The following TACR1 variants were observed in gnomAD, a reference collection of about 807,000 sequenced individuals.
TACR1 encodes the protein substance-P receptor.
Under a neutral mutation model 35.8 loss-of-function variants are expected in TACR1, and 25 were observed. That is an observed-to-expected ratio of 0.70 (90% confidence interval 0.51 to 0.98). The LOEUF is 0.98. TACR1 is among the 50% of genes least tolerant of loss of function. The probability of loss-of-function intolerance (pLI) is 0.00; values close to 1 mark genes in which losing one functional copy is unlikely to be tolerated. For synonymous variants in TACR1, 195 were observed against 206.7 expected (o/e 0.94, Z 0.48); for missense variants, 478 against 522.9 (o/e 0.91, Z 0.84).
At position 75,126,450 on chromosome 2, in the gene TACR1, G is replaced by A. The variant is rs147630127; in HGVS notation, c.390-5682C>T. ...TTATATTCCTCTGGGTATATACCCA[G>A]TAATGGGATTGCTGGGTCAAATGGT... On this transcript the variant is annotated intron_variant, in intron 1 of 4. Coordinates refer to ENST00000305249, the MANE Select transcript of TACR1 (RefSeq NM_001058.4). Among the ~76,000 whole-genome samples the A allele has an allele frequency of 4.4e-3, 665 of 152,254 alleles. 9 individuals are homozygous for A. The highest frequency in any genetic ancestry group is 0.016 in the African/African-American group (646 of 41,540).
chr2:75,140,573 C>A (rs1674381590), intron 1 of TACR1, among the ~76,000 whole-genome samples: 3 of 152,136 alleles, frequency 2.0e-5, no homozygotes, highest in Admixed American at 6.5e-5. Flanking sequence ...CTGTCATCTC[C>A]CTCTGAAGAC....
chr2:75,190,461 A>G (rs1478782876), intron 1 of TACR1, among the ~76,000 whole-genome samples: 4 of 152,228 alleles, frequency 2.6e-5, no homozygotes, highest in Non-Finnish European at 5.9e-5. Flanking sequence ...TAGGGGGAAG[A>G]ACATAAATGT....
chr2:75,118,499 C>G (rs1343708309), intron 2 of TACR1, among the ~76,000 whole-genome samples: 1 of 152,176 alleles, frequency 6.6e-6, no homozygotes, highest in African/African-American at 2.4e-5. Flanking sequence ...GGAAATAAGA[C>G]AATCCAACAC....
intron 2 of TACR1, among the ~76,000 whole-genome samples, chr2:75,100,870 T>C (rs1233183612): frequency 6.6e-6 from 1 of 152,208 alleles, no homozygotes; most frequent in East Asian, 1.9e-4. Context: ...TGAATATTTT[T>C]GGTAACATAA....
At chr2:75,151,219 G>A (rs7587608) in intron 1 of TACR1, among the ~76,000 whole-genome samples, 77,757 of 152,100 alleles carry the variant, frequency 0.51, 20,842 homozygotes, top group African/African-American at 0.59. Flanking sequence ...ATAAGTAGCA[G>A]GGAGCCTAAT....
intron 1 of TACR1, among the ~76,000 whole-genome samples, chr2:75,164,530 C>A (rs1031954809): frequency 6.6e-6 from 1 of 151,832 alleles, no homozygotes; most frequent in African/African-American, 2.4e-5. Context: ...CCAACTGAAG[C>A]ATAAACTGAT....
chr2:75,079,736 CTTTTTTTTTTTT>C (rs11367021), intron 2 of TACR1, among the ~76,000 whole-genome samples: 3 of 114,184 alleles, frequency 2.6e-5, no homozygotes, highest in African/African-American at 9.4e-5. Context: ...AACCTAATGC[CTTTTTTTTTTTT>C]TTTTTTTTTG....
intron 1 of TACR1, among the ~76,000 whole-genome samples, chr2:75,194,695 A>G (rs1558589603): frequency 6.6e-6 from 1 of 152,152 alleles, no homozygotes; most frequent in African/African-American, 2.4e-5. Context: ...TTTGCCTTCA[A>G]CCATTACTCT....
At chr2:75,194,953 T>C (rs1204735042) in intron 1 of TACR1, among the ~76,000 whole-genome samples, 4 of 152,094 alleles carry the variant, frequency 2.6e-5, no homozygotes, top group Non-Finnish European at 4.4e-5. Flanking sequence ...CTTCCTCTAC[T>C]CCCTTCTTAG....
chr2:75,063,177 C>T (rs2103800792), intron 2 of TACR1, among the ~76,000 whole-genome samples: 1 of 152,316 alleles, frequency 6.6e-6, no homozygotes, highest in Admixed American at 6.5e-5. Context: ...CTTTTCACAA[C>T]ACGTGGGAAT....
At chr2:75,122,132 C>T (rs1673982506) in intron 1 of TACR1, among the ~76,000 whole-genome samples, 1 of 152,152 alleles carries the variant, frequency 6.6e-6, no homozygotes, top group Non-Finnish European at 1.5e-5. Flanking sequence ...CAGCTCAAAA[C>T]ACAGCAGTAG....
At chr2:75,188,252 C>A (rs941579067) in intron 1 of TACR1, 1 of 152,166 alleles carries the variant, frequency 6.6e-6, no homozygotes, top group African/African-American at 2.4e-5. Context: ...CAGACAAATT[C>A]TTTTATGAAC....
At chr2:75,094,860 T>TATATATATATATA (rs1491102755) in intron 2 of TACR1, among the ~76,000 whole-genome samples, 408 of 50,200 alleles carry the variant, frequency 8.1e-3, no homozygotes, top group South Asian at 0.023. Flanking sequence ...TATATATATA[T>TATATATATATATA]TTTTTTTTTT....
intron 1 of TACR1, among the ~76,000 whole-genome samples, chr2:75,160,999 A>G (rs10177213): frequency 0.58 from 88,093 of 151,218 alleles, 25,856 homozygotes; most frequent in African/African-American, 0.62. Context: ...AGAAAATAAC[A>G]GAGCCACATT....
chr2:75,110,817 TGC>T (rs1673735469), intron 2 of TACR1, among the ~76,000 whole-genome samples: 1 of 152,034 alleles, frequency 6.6e-6, no homozygotes, highest in Non-Finnish European at 1.5e-5. Context: ...CTTACATAAT[TGC>T]TGTTAAGACT....
intron 2 of TACR1, among the ~76,000 whole-genome samples, chr2:75,115,475 G>A (rs1673834164): frequency 1.3e-5 from 2 of 152,116 alleles, no homozygotes; most frequent in Non-Finnish European, 1.5e-5. Flanking sequence ...TTATGCTATA[G>A]GTATTCTTGC....
intron 2 of TACR1, among the ~76,000 whole-genome samples, chr2:75,075,236 T>C (rs1446796064): frequency 6.6e-6 from 1 of 152,210 alleles, no homozygotes; most frequent in African/African-American, 2.4e-5. Context: ...TTACATTTAC[T>C]AGCTAGGGAA....
At position 75,049,610 on chromosome 2, in the gene TACR1, T is replaced by C. The variant is rs1311284373; in HGVS notation, c.1046A>G (p.Tyr349Cys). Residue 349 changes from tyrosine (Y) to cysteine (C), a missense_variant, in exon 5 of 5, where the codon TAC (tyrosine) becomes TGC (cysteine). Coordinates refer to ENST00000305249, the MANE Select transcript of TACR1 (RefSeq NM_001058.4). ...GGTGGTCTCCAGGCGGCTGACTTTGTACACACTGCCCTGGGTCTGGAGATA... is the reference window on the plus strand; with the variant it reads ...GGTGGTCTCCAGGCGGCTGACTTTGCACACACTGCCCTGGGTCTGGAGATA... ...TRYLQTQGSV[Y>C]KVSRLETTIS... 1 of 1,614,040 alleles carries C rather than the reference T, an allele frequency of 6.2e-7. No individual in the cohort carries two copies. Among genetic ancestry groups the C allele is most frequent in the African/African-American group, 1.3e-5 (1 of 74,934 alleles).
intron 4 of TACR1, among the ~76,000 whole-genome samples, chr2:75,050,147 T>C (rs1672438987): frequency 6.6e-6 from 1 of 152,216 alleles, no homozygotes. Flanking sequence ...GCCTGTTAAC[T>C]GAAGGAGGAC....
Sources: gnomAD v4.1 joint callset for allele counts (sites outside exome capture counted in the v4.1 genomes callset) on GRCh38, gnomAD v4.1.1 for gene constraint, MANE v1.5 for transcripts, NCBI Gene and HGNC (gene_info 2026-07-23, HGNC 2026-07-21) for gene names.